Variants in HPSE2 observed in about 807,000 individuals in gnomAD.
HPSE2 encodes heparanase 2 (inactive).
A neutral mutation model predicts 60.5 loss-of-function variants in HPSE2; 38 were observed. The observed-to-expected ratio is 0.63, with a 90% CI of 0.48 to 0.82. HPSE2 has a LOEUF of 0.82. Ranked by LOEUF, HPSE2 falls within the 40% of genes least tolerant of loss-of-function variation. HPSE2 has a pLI of 0.00. For missense variants in HPSE2, 713 were observed against 740.4 expected, an observed-to-expected ratio of 0.96 and a Z score of 0.43; for synonymous variants, 295 against 293.2, an observed-to-expected ratio of 1.01 and a Z score of -0.06.
chr10:98,896,977 C>T (rs1953509587), intron 3 of HPSE2, among the ~76,000 whole-genome samples: 1 of 152,122 alleles, frequency 6.6e-6, no homozygotes, highest in African/African-American at 2.4e-5. Context: ...AAAGAAAGCA[C>T]CAGATTCACA....
chr10:99,141,318 AT>A (rs1240625736), intron 3 of HPSE2, among the ~76,000 whole-genome samples: 2 of 152,236 alleles, frequency 1.3e-5, no homozygotes, highest in East Asian at 3.9e-4. Context: ...ACTCATCACC[AT>A]TTAAAACAGT....
In HPSE2 at chr10:99,232,368, T is replaced by C. The variant is rs551630927; in HGVS notation, c.428A>G (p.Tyr143Cys). 8 of 1,551,562 alleles carry C rather than the reference T, an allele frequency of 5.2e-6. No homozygotes were observed. The South Asian group carries it at 8.3e-5, about 16-fold the overall frequency. ...KSRGGPGPDY[Y>C]LKNYEDDIVR... is the part of the protein sequence containing the mutation. ...CTCACCATCCTCATAGTTTTTGAGA[T>C]AGTAATCCGGGCCCGGGCCCCCGCG... is the stretch of plus-strand genomic sequence containing the variant. The change falls in exon 2 of 12, where the codon TAT becomes TGT. Residue 143 changes from tyrosine (Y) to cysteine (C), a missense_variant. Coordinates refer to ENST00000370552, the MANE Select transcript of HPSE2 (RefSeq NM_021828.5).
intron 3 of HPSE2, among the ~76,000 whole-genome samples, chr10:98,769,490 A>G (rs1950196503): frequency 6.6e-6 from 1 of 152,224 alleles, no homozygotes; most frequent in Non-Finnish European, 1.5e-5. Context: ...TGAGCCTGTG[A>G]TAAAGCAGTA....
intron 3 of HPSE2, among the ~76,000 whole-genome samples, chr10:98,767,158 T>C (rs984810083): frequency 6.6e-6 from 1 of 152,120 alleles, no homozygotes; most frequent in African/African-American, 2.4e-5. Flanking sequence ...TAGTGAAAAA[T>C]TGAATGTTTT....
At chr10:98,559,291 G>A (rs1589420175) in intron 9 of HPSE2, among the ~76,000 whole-genome samples, 1 of 152,186 alleles carries the variant, frequency 6.6e-6, no homozygotes, top group East Asian at 1.9e-4. Context: ...GCCTCCCAAA[G>A]TGCTGGGATT....
chr10:99,035,703 T>C (rs758881524), intron 3 of HPSE2, among the ~76,000 whole-genome samples: 1 of 152,252 alleles, frequency 6.6e-6, no homozygotes, highest in Non-Finnish European at 1.5e-5. Flanking sequence ...TGTGCTACAA[T>C]GTTATGACAG....
chr10:99,024,721 T>C (rs189157544), intron 3 of HPSE2, among the ~76,000 whole-genome samples: 1 of 152,282 alleles, frequency 6.6e-6, no homozygotes, highest in African/African-American at 2.4e-5. Context: ...AGCAGGCTTT[T>C]CAGTGGAAAC....
chr10:99,304,815 G>A, the HPSE2 span, among the ~76,000 whole-genome samples: 29 of 152,288 alleles, frequency 1.9e-4, no homozygotes, highest in East Asian at 5.4e-3. Flanking sequence ...AGAAACGAAT[G>A]AAACTTTTTA....
At chr10:98,968,586 G>A (rs753740066) in intron 3 of HPSE2, among the ~76,000 whole-genome samples, 12 of 152,076 alleles carry the variant, frequency 7.9e-5, no homozygotes, top group South Asian at 4.1e-4. Flanking sequence ...CAAAAATACG[G>A]AGCCAACCTA....
chr10:99,098,876 C>T (rs1485419190), intron 3 of HPSE2, among the ~76,000 whole-genome samples: 1 of 152,128 alleles, frequency 6.6e-6, no homozygotes, highest in Non-Finnish European at 1.5e-5. Flanking sequence ...CTACGGTTCT[C>T]ATAAACTAGT....
At chr10:98,856,844 T>C (rs1469823435) in intron 3 of HPSE2, among the ~76,000 whole-genome samples, 1 of 152,146 alleles carries the variant, frequency 6.6e-6, no homozygotes, top group Non-Finnish European at 1.5e-5. Context: ...ATCAGAAACA[T>C]TGTGTTAGGA....
the HPSE2 span, among the ~76,000 whole-genome samples, chr10:99,300,915 T>C: frequency 6.6e-6 from 1 of 152,184 alleles, no homozygotes. Flanking sequence ...GTATGGATTA[T>C]TACAATGCTG....
chr10:99,110,010 A>C (rs1386267763), intron 3 of HPSE2, among the ~76,000 whole-genome samples: 2 of 152,168 alleles, frequency 1.3e-5, no homozygotes, highest in Non-Finnish European at 2.9e-5. Flanking sequence ...TGTTCTCCAG[A>C]AATTATACGA....
chr10:98,852,833 A>C (rs2134742007), intron 3 of HPSE2, among the ~76,000 whole-genome samples: 1 of 152,362 alleles, frequency 6.6e-6, no homozygotes, highest in Admixed American at 6.5e-5. Context: ...AAAGGAAGAA[A>C]CTGAAAAAAT....
chr10:99,007,788 C>T (rs1396562461), intron 3 of HPSE2, among the ~76,000 whole-genome samples: 3 of 152,144 alleles, frequency 2.0e-5, no homozygotes, highest in African/African-American at 7.2e-5. Flanking sequence ...CCTTTAGAGT[C>T]TAGCCCCTTA....
At chr10:98,708,886 TAACTC>T (rs1948610867) in intron 5 of HPSE2, among the ~76,000 whole-genome samples, 1 of 152,122 alleles carries the variant, frequency 6.6e-6, no homozygotes, top group Non-Finnish European at 1.5e-5. Context: ...ACCACAGAAA[TAACTC>T]ATGAAGAAAA....
At chr10:99,283,452 G>C in the HPSE2 span, among the ~76,000 whole-genome samples, 4 of 151,150 alleles carry the variant, frequency 2.6e-5, no homozygotes, top group Admixed American at 2.6e-4. Context: ...GCAGTGAGCT[G>C]ATCATACCAC....
chr10:99,213,935 A>G (rs10883295), intron 2 of HPSE2, among the ~76,000 whole-genome samples: 75,062 of 152,114 alleles, frequency 0.49, 21,706 homozygotes, highest in Non-Finnish European at 0.64. Flanking sequence ...AGAATGAGGG[A>G]AAAATTTTGT....
intron 3 of HPSE2, among the ~76,000 whole-genome samples, chr10:99,061,679 G>C (rs1183659482): frequency 6.6e-6 from 1 of 152,184 alleles, no homozygotes; most frequent in African/African-American, 2.4e-5. Flanking sequence ...CAGCATAGTA[G>C]TTAAGATGGT....
Sources: allele counts gnomAD v4.1 joint callset (sites outside exome capture counted in the v4.1 genomes callset), GRCh38; gene constraint gnomAD v4.1.1; transcripts MANE v1.5; gene names NCBI Gene and HGNC (gene_info 2026-07-23, HGNC 2026-07-21).